The following NRG1 variants were observed in gnomAD, a reference collection of about 807,000 sequenced individuals.
The protein encoded by NRG1 is pro-neuregulin-1, membrane-bound isoform.
In NRG1, 18 loss-of-function variants were observed where a neutral mutation model predicts 63.8. That is an observed-to-expected ratio of 0.28 (90% CI 0.19 to 0.42). The LOEUF (loss-of-function observed/expected upper bound fraction) is 0.42. Ranked by LOEUF, NRG1 falls within the 10% of genes least tolerant of loss-of-function variation. The pLI, the probability that NRG1 is intolerant of heterozygous loss-of-function variation, is 1.00. For synonymous variants in NRG1, 302 were observed against 301.3 expected, an observed-to-expected ratio of 1.00 and a Z score of -0.02; for missense variants, 762 against 814.7, an observed-to-expected ratio of 0.94 and a Z score of 0.79.
intron 1 of NRG1, among the ~76,000 whole-genome samples, chr8:31,726,420 A>T (rs892887833): frequency 1.1e-4 from 17 of 152,260 alleles, no homozygotes; most frequent in Admixed American, 9.8e-4. Flanking sequence ...ATAGTAATAA[A>T]AACTATCTAA....
At chr8:32,744,756 A>G (rs576667685) in intron 7 of NRG1, among the ~76,000 whole-genome samples, 1 of 152,124 alleles carries the variant, frequency 6.6e-6, no homozygotes, top group Non-Finnish European at 1.5e-5. Context: ...AAATGAAGCT[A>G]TTTCCCAGCA....
chr8:32,249,289 C>G (rs758576172), intron 1 of NRG1, among the ~76,000 whole-genome samples: 2 of 152,088 alleles, frequency 1.3e-5, no homozygotes, highest in Non-Finnish European at 2.9e-5. Context: ...ATTACATACT[C>G]TAACAATGAG....
At position 31,950,075 on chromosome 8, in the gene NRG1, T is replaced by G. The variant is rs1307537703; in HGVS notation, c.37+310644T>G. On this transcript the variant is annotated intron_variant, in intron 1 of 10. Transcript: ENST00000519301. ...CCCTTAGGTGGTGCTTAATACATGTTTAGTGTATGAAGAAAGGTTTGGAAT... is the reference window on the plus strand; with the variant it reads ...CCCTTAGGTGGTGCTTAATACATGTGTAGTGTATGAAGAAAGGTTTGGAAT... Among the ~76,000 whole-genome samples, 5 of 152,290 alleles carry G rather than the reference T, an allele frequency of 3.3e-5. No homozygotes were observed. In the East Asian group the frequency reaches 9.7e-4, roughly 29 times the overall value.
At chr8:32,335,455 G>T (rs1053044914) in intron 1 of NRG1, among the ~76,000 whole-genome samples, 1 of 152,128 alleles carries the variant, frequency 6.6e-6, no homozygotes, top group African/African-American at 2.4e-5. Flanking sequence ...CCAATCCATT[G>T]TCAGTGTGGG....
intron 1 of NRG1, among the ~76,000 whole-genome samples, chr8:31,947,013 G>C (rs574989727): frequency 6.6e-6 from 1 of 152,218 alleles, no homozygotes; most frequent in South Asian, 2.1e-4. Context: ...AGAAAAGAAT[G>C]GATATGGCCG....
At chr8:32,084,150 A>C (rs986529765) in intron 1 of NRG1, among the ~76,000 whole-genome samples, 6 of 152,194 alleles carry the variant, frequency 3.9e-5, no homozygotes, top group Middle Eastern at 3.2e-3. Flanking sequence ...AGAAACTAAA[A>C]ATAGAATGAG....
At chr8:31,666,467 T>A (rs1401561105) in intron 1 of NRG1, among the ~76,000 whole-genome samples, 1 of 152,140 alleles carries the variant, frequency 6.6e-6, no homozygotes, top group Non-Finnish European at 1.5e-5. Flanking sequence ...AAAGAAATAC[T>A]CTTGGAATAA....
At chr8:32,746,356 T>C (rs1055752896) in intron 7 of NRG1, among the ~76,000 whole-genome samples, 1 of 152,164 alleles carries the variant, frequency 6.6e-6, no homozygotes, top group African/African-American at 2.4e-5. Flanking sequence ...AAGTCAAGAC[T>C]TTAAGATTTT....
At chr8:32,144,869 G>T (rs867217687) in intron 1 of NRG1, among the ~76,000 whole-genome samples, 91 of 152,214 alleles carry the variant, frequency 6.0e-4, no homozygotes, top group African/African-American at 2.2e-3. Flanking sequence ...TAAGTTTATT[G>T]CTGGGTTTTG....
intron 1 of NRG1, among the ~76,000 whole-genome samples, chr8:31,927,858 A>C (rs1398911536): frequency 6.7e-6 from 1 of 150,278 alleles, no homozygotes; most frequent in Admixed American, 6.6e-5. Context: ...TTTTTTTAAA[A>C]AATTTTATTA....
intron 10 of NRG1, 21 bp downstream of exon 10, chr8:32,759,457 C>G: frequency 6.2e-7 from 1 of 1,607,082 alleles, no homozygotes; most frequent in Non-Finnish European, 8.5e-7. Flanking sequence ...TTAAAAATTC[C>G]ACGGCTTTTC....
chr8:31,967,108 C>A (rs867070631), intron 1 of NRG1, among the ~76,000 whole-genome samples: 2 of 152,106 alleles, frequency 1.3e-5, no homozygotes, highest in Middle Eastern at 3.4e-3. Flanking sequence ...TATTGAAAAA[C>A]CAGGCTGTGG....
chr8:32,043,890 T>C (rs1489459552), intron 1 of NRG1, among the ~76,000 whole-genome samples: 3 of 151,544 alleles, frequency 2.0e-5, no homozygotes, highest in Non-Finnish European at 4.4e-5. Flanking sequence ...AACAGAGGAA[T>C]AAAAATCAGA....
intron 1 of NRG1, among the ~76,000 whole-genome samples, chr8:32,058,617 C>T (rs1173882771): frequency 1.3e-5 from 2 of 151,664 alleles, no homozygotes; most frequent in South Asian, 4.2e-4. Flanking sequence ...TCTGGTAGAG[C>T]ACTCAATAAT....
intron 5 of NRG1, among the ~76,000 whole-genome samples, chr8:32,664,746 A>G (rs946530397): frequency 2.6e-5 from 4 of 152,152 alleles, no homozygotes; most frequent in Non-Finnish European, 5.9e-5. Flanking sequence ...AATACCACTG[A>G]ACTAATTGAA....
At chr8:31,955,930 A>C (rs925959639) in intron 1 of NRG1, among the ~76,000 whole-genome samples, 5 of 151,536 alleles carry the variant, frequency 3.3e-5, no homozygotes, top group Admixed American at 1.3e-4. Context: ...AGTCCCAGCT[A>C]CCAGGGAGGC....
chr8:31,826,303 C>T lies in NRG1; in HGVS notation c.37+186872C>T, dbSNP rs150262067. 7.2e-3 allele frequency among the ~76,000 whole-genome samples: 1,097 copies of T among 152,172 alleles called. 45 individuals are homozygous for T. The South Asian group carries it at 0.12, about 16-fold the overall frequency. On this transcript the variant is annotated intron_variant, in intron 1 of 10. Transcript: ENST00000519301. ...AAATCTCTACTTGAACTGTAGCTCC[C>T]GTAATTGCAGGAGGGACCTGGCAGG...
intron 1 of NRG1, among the ~76,000 whole-genome samples, chr8:31,773,888 A>C (rs1489607776): frequency 6.6e-6 from 1 of 152,074 alleles, no homozygotes; most frequent in East Asian, 1.9e-4. Flanking sequence ...GTATCATAGT[A>C]ATTTACGTAC....
At chr8:31,823,307 A>T (rs900820892) in intron 1 of NRG1, among the ~76,000 whole-genome samples, 1 of 152,056 alleles carries the variant, frequency 6.6e-6, no homozygotes. Context: ...CTATCGCAAC[A>T]TCAAGAAAAT....
Sources: gnomAD v4.1 joint callset for allele counts (sites outside exome capture counted in the v4.1 genomes callset) on GRCh38, gnomAD v4.1.1 for gene constraint, MANE v1.5 for transcripts, NCBI Gene and HGNC (gene_info 2026-07-23, HGNC 2026-07-21) for gene names.